PPFIA2: variants seen among roughly 807,000 people sequenced by gnomAD.
PPFIA2 encodes the protein liprin-alpha-2.
In PPFIA2, 46 loss-of-function variants were observed where a neutral mutation model predicts 175.5. The ratio of observed to expected loss-of-function variants is 0.26; its 90% CI spans 0.21 to 0.34. The LOEUF (loss-of-function observed/expected upper bound fraction) is 0.34. Among genes scored for constraint, PPFIA2 ranks in the 10% least tolerant of loss-of-function variants. The probability of loss-of-function intolerance (pLI) is 1.00; values close to 1 mark genes in which losing one functional copy is unlikely to be tolerated. For missense variants in PPFIA2, 1,179 were observed against 1,506.1 expected (o/e 0.78, Z 3.60); for synonymous variants, 568 against 511.4 (o/e 1.11, Z -1.49).
At chr12:81,377,625 C>T (rs1440420891) in intron 9 of PPFIA2, among the ~76,000 whole-genome samples, 1 of 151,892 alleles carries the variant, frequency 6.6e-6, no homozygotes, top group African/African-American at 2.4e-5. Flanking sequence ...CTCCTGCCCA[C>T]CCACAAGTTA....
intron 4 of PPFIA2, among the ~76,000 whole-genome samples, chr12:81,615,529 A>G (rs1169698930): frequency 6.6e-6 from 1 of 152,198 alleles, no homozygotes; most frequent in Non-Finnish European, 1.5e-5. Context: ...TGTAGGAGCA[A>G]TTGCTAACAT....
Position 81,405,866 on chromosome 12 carries a change from C to G in PPFIA2, c.683G>C (p.Arg228Thr). Residue 228 changes from arginine to threonine, a missense_variant, in exon 8 of 33, where the codon AGA (arginine) becomes ACA (threonine). Arg to Thr is a moderately conservative substitution (Grantham distance 71). This residue lies in a region of PPFIA2 where 226 missense variants were observed against 216.6 expected (regional missense o/e 1.04). Transcript: ENST00000549396. ...GGATCCCTCGCTTGATGCCATTTTT[C>G]TTTGTATATGAACATTTTGTTCACG... ...ALREQNVHIQ[R>T]KMASSEGSTE... 6.3e-7 allele frequency: 1 copy of G among 1,576,716 alleles called. No individual in the cohort carries two copies. The highest frequency in any genetic ancestry group is 8.6e-7 in the Non-Finnish European group (1 of 1,159,160).
intron 4 of PPFIA2, among the ~76,000 whole-genome samples, chr12:81,550,917 C>A (rs1173504852): frequency 6.6e-6 from 1 of 151,752 alleles, no homozygotes; most frequent in Non-Finnish European, 1.5e-5. Flanking sequence ...ATAGCGCTTT[C>A]TTAGAATCCT....
At chr12:81,415,206 AAAAAATATATATATATATATATATATAT>A (rs2044878611) in intron 7 of PPFIA2, among the ~76,000 whole-genome samples, 1 of 35,808 alleles carries the variant, frequency 2.8e-5, no homozygotes, top group South Asian at 1.2e-3. Context: ...AAAAAAAAAA[AAAAAATATATATATATATATATATATAT>A]ATATATATAT....
intron 4 of PPFIA2, among the ~76,000 whole-genome samples, chr12:81,645,294 T>G (rs1032043041): frequency 1.3e-5 from 2 of 152,162 alleles, no homozygotes; most frequent in Non-Finnish European, 2.9e-5. Context: ...AAATATTATA[T>G]TTCCTGACTG....
intron 22 of PPFIA2, among the ~76,000 whole-genome samples, chr12:81,315,700 T>C (rs541002338): frequency 6.6e-6 from 1 of 151,690 alleles, no homozygotes; most frequent in East Asian, 1.9e-4. Context: ...AATCAAAAGG[T>C]TAGTTTTTGA....
chr12:81,637,676 C>T (rs2064290185), intron 4 of PPFIA2, among the ~76,000 whole-genome samples: 1 of 152,036 alleles, frequency 6.6e-6, no homozygotes, highest in Non-Finnish European at 1.5e-5. Flanking sequence ...TCCATTTATA[C>T]TGAGTATTTA....
chr12:81,662,843 G>C (rs2069206259), intron 4 of PPFIA2, among the ~76,000 whole-genome samples: 1 of 152,106 alleles, frequency 6.6e-6, no homozygotes, highest in African/African-American at 2.4e-5. Context: ...ATATCAAAAA[G>C]CTTATCCACC....
chr12:81,389,055 G>A (rs557243081), intron 8 of PPFIA2, among the ~76,000 whole-genome samples: 1 of 151,100 alleles, frequency 6.6e-6, no homozygotes, highest in Admixed American at 6.6e-5. Flanking sequence ...AAGTGGAGCC[G>A]CTGAACATGT....
At chr12:81,391,847 C>T (rs2040187715) in intron 8 of PPFIA2, among the ~76,000 whole-genome samples, 1 of 151,772 alleles carries the variant, frequency 6.6e-6, no homozygotes, top group Non-Finnish European at 1.5e-5. Context: ...GACAAAGTGA[C>T]ACAAGTGGGT....
intron 6 of PPFIA2, among the ~76,000 whole-genome samples, chr12:81,442,320 C>A (rs904854792): frequency 1.3e-5 from 2 of 151,896 alleles, no homozygotes; most frequent in Non-Finnish European, 2.9e-5. Context: ...ATCAATAATG[C>A]AAACTGAAAT....
chr12:81,561,507 A>G (rs572495117), intron 4 of PPFIA2, among the ~76,000 whole-genome samples: 8 of 152,112 alleles, frequency 5.3e-5, no homozygotes, highest in Admixed American at 3.3e-4. Flanking sequence ...TACAGGAGGG[A>G]GTCCCCCCCC....
intron 7 of PPFIA2, among the ~76,000 whole-genome samples, chr12:81,424,497 T>C (rs1304977080): frequency 6.6e-6 from 1 of 152,214 alleles, no homozygotes; most frequent in Non-Finnish European, 1.5e-5. Context: ...TACATTTTTA[T>C]ATTACTTTAT....
intron 4 of PPFIA2, among the ~76,000 whole-genome samples, chr12:81,470,583 A>G (rs751164404): frequency 1.3e-5 from 2 of 152,210 alleles, no homozygotes; most frequent in African/African-American, 2.4e-5. Context: ...ACCCAAGAAA[A>G]TTGAAAACAT....
chr12:81,608,749 G>A (rs187455763), intron 4 of PPFIA2, among the ~76,000 whole-genome samples: 28 of 151,694 alleles, frequency 1.8e-4, no homozygotes, highest in Admixed American at 8.5e-4. Flanking sequence ...ACAAGTCTTG[G>A]TTTCATCAAT....
At chr12:81,580,308 A>G (rs891873590) in intron 4 of PPFIA2, among the ~76,000 whole-genome samples, 1 of 151,744 alleles carries the variant, frequency 6.6e-6, no homozygotes, top group African/African-American at 2.4e-5. Flanking sequence ...GAAGTTAGAA[A>G]GATTAAATCC....
At chr12:81,643,369 C>A (rs2065625170) in intron 4 of PPFIA2, among the ~76,000 whole-genome samples, 1 of 151,844 alleles carries the variant, frequency 6.6e-6, no homozygotes, top group South Asian at 2.1e-4. Flanking sequence ...TATTAATTAT[C>A]CTGCATAATG....
chr12:81,595,070 A>C (rs1239859187), intron 4 of PPFIA2, among the ~76,000 whole-genome samples: 1 of 152,080 alleles, frequency 6.6e-6, no homozygotes, highest in Non-Finnish European at 1.5e-5. Flanking sequence ...GGTGGTGGCC[A>C]GGATATCTGG....
chr12:81,548,899 A>G (rs2067424083), intron 4 of PPFIA2, among the ~76,000 whole-genome samples: 1 of 152,170 alleles, frequency 6.6e-6, no homozygotes, highest in Admixed American at 6.5e-5. Context: ...ATGATTTTAA[A>G]CAAAGAAACT....
Sources: gnomAD v4.1 joint callset for allele counts (sites outside exome capture counted in the v4.1 genomes callset) on GRCh38, gnomAD v4.1.1 for gene constraint, gnomAD v4.1.1 regional missense constraint, MANE v1.5 for transcripts, NCBI Gene and HGNC (gene_info 2026-07-23, HGNC 2026-07-21) for gene names.